CASK: variants seen among roughly 807,000 people sequenced by gnomAD.
The protein encoded by CASK is peripheral plasma membrane protein CASK.
In CASK, 4 loss-of-function variants were observed where a neutral mutation model predicts 82.9. That is an observed-to-expected ratio of 0.05 (90% CI 0.02 to 0.11). The LOEUF (loss-of-function observed/expected upper bound fraction) is 0.11, where lower values mean the gene tolerates loss of function less well. Ranked by LOEUF, CASK falls within the 10% of genes least tolerant of loss-of-function variation. The pLI is 1.00. For synonymous variants in CASK, 259 were observed against 253.5 expected, an observed-to-expected ratio of 1.02 and a Z score of -0.20; for missense variants, 358 against 720.9, an observed-to-expected ratio of 0.50 and a Z score of 5.76.
intron 2 of CASK, among the ~76,000 whole-genome samples, chrX:41,846,254 G>A (rs2071152629): frequency 9.0e-6 from 1 of 111,644 alleles, no homozygotes; most frequent in South Asian, 3.8e-4. Context: ...AAGGAAGAAT[G>A]AGATCCTGTC....
chrX:41,613,503 G>A (rs1346870095), intron 11 of CASK, among the ~76,000 whole-genome samples: 11 of 93,843 alleles, frequency 1.2e-4, no homozygotes, highest in Non-Finnish European at 2.1e-4. Context: ...GCGGAAGGCC[G>A]CAGGGTCCTC....
chrX:41,713,357 C>A (rs1029890484), intron 5 of CASK, among the ~76,000 whole-genome samples: 34 of 112,232 alleles, frequency 3.0e-4, no homozygotes, highest in African/African-American at 9.7e-4. Context: ...TTTCCAGACA[C>A]ACAGGAGGTT....
At chrX:41,844,087 G>T in intron 2 of CASK, among the ~76,000 whole-genome samples, 1 of 111,468 alleles carries the variant, frequency 9.0e-6, no homozygotes, top group Non-Finnish European at 1.9e-5. Context: ...TTAACTTTCT[G>T]AAGAACTACA....
intron 1 of CASK, among the ~76,000 whole-genome samples, chrX:41,877,117 A>C (rs1432330343): frequency 8.9e-6 from 1 of 111,844 alleles, no homozygotes; most frequent in Non-Finnish European, 1.9e-5. Flanking sequence ...TTCTGACTTC[A>C]GGAAAAACCA....
chrX:41,736,413 T>C (rs2068498937), intron 5 of CASK, among the ~76,000 whole-genome samples: 1 of 111,718 alleles, frequency 9.0e-6, no homozygotes, highest in African/African-American at 3.3e-5. Context: ...GGCATGAGGA[T>C]TGCTTGAGCC....
intron 8 of CASK, among the ~76,000 whole-genome samples, chrX:41,644,069 A>G (rs2147397883): frequency 8.9e-6 from 1 of 111,901 alleles, no homozygotes; most frequent in South Asian, 3.7e-4. Context: ...TATATGATGG[A>G]TTATGTTTAT....
chrX:41,554,294 G>A (rs2065135222), intron 20 of CASK, among the ~76,000 whole-genome samples: 1 of 111,469 alleles, frequency 9.0e-6, no homozygotes, highest in Non-Finnish European at 1.9e-5. Flanking sequence ...ATGACTGCGT[G>A]GCAGCCTTTA....
chrX:41,708,036 T>C (rs1471111481), intron 5 of CASK, among the ~76,000 whole-genome samples: 1 of 106,489 alleles, frequency 9.4e-6, no homozygotes, highest in Non-Finnish European at 1.9e-5. Flanking sequence ...GATAATCTCT[T>C]GAACCAGGGA....
At chrX:41,561,432 C>G in intron 17 of CASK, 127 bp downstream of exon 17, 1 of 519,017 alleles carries the variant, frequency 1.9e-6, no homozygotes. Flanking sequence ...TATATAAGTT[C>G]AAGTCCACAT....
intron 8 of CASK, among the ~76,000 whole-genome samples, chrX:41,643,718 A>C (rs1402291546): frequency 8.9e-6 from 1 of 111,969 alleles, no homozygotes; most frequent in Non-Finnish European, 1.9e-5. Flanking sequence ...GTCATCTGCA[A>C]ACAGGGACAA....
intron 8 of CASK, among the ~76,000 whole-genome samples, chrX:41,659,479 G>A (rs1191348291): frequency 9.1e-6 from 1 of 110,219 alleles, no homozygotes. Flanking sequence ...ACCCACCTTG[G>A]CCTCCCAAAG....
At chrX:41,912,307 T>G (rs1431324024) in intron 1 of CASK, among the ~76,000 whole-genome samples, 71 of 94,844 alleles carry the variant, frequency 7.5e-4, no homozygotes, top group Non-Finnish European at 1.2e-3. Flanking sequence ...TCTGTTTTTT[T>G]TTTTTTTTTT....
intron 3 of CASK, among the ~76,000 whole-genome samples, chrX:41,776,379 T>TGA (rs1349853450): frequency 4.4e-5 from 5 of 112,852 alleles, no homozygotes; most frequent in African/African-American, 1.6e-4. Flanking sequence ...AAAAGACATT[T>TGA]GATAAAATTC....
intron 5 of CASK, among the ~76,000 whole-genome samples, chrX:41,732,007 C>T (rs1282498090): frequency 9.5e-6 from 1 of 104,988 alleles, no homozygotes; most frequent in Non-Finnish European, 1.9e-5. Context: ...AACTCCTGGG[C>T]TCAAGCGATC....
chrX:41,542,512 C>T (rs1727196017), intron 22 of CASK, among the ~76,000 whole-genome samples, 179 bp downstream of exon 22: 1 of 112,660 alleles, frequency 8.9e-6, no homozygotes, highest in African/African-American at 3.2e-5. Context: ...AAATATCTAG[C>T]AAATAATCAA....
chrX:41,610,070 A>G (rs1463086247), intron 11 of CASK, 45 bp from the exon 12 acceptor site: 6 of 1,173,885 alleles, frequency 5.1e-6, no homozygotes, highest in Non-Finnish European at 6.9e-6. Context: ...TAGAAAGTCA[A>G]TGTCAAACTA....
At chrX:41,781,000 G>T (rs768766605) in intron 3 of CASK, among the ~76,000 whole-genome samples, 1 of 110,329 alleles carries the variant, frequency 9.1e-6, no homozygotes, top group South Asian at 3.9e-4. Context: ...GAGTACAGTG[G>T]CATGATCTTG....
intron 1 of CASK, among the ~76,000 whole-genome samples, chrX:41,873,112 G>A (rs750953627): frequency 1.8e-5 from 2 of 110,363 alleles, no homozygotes; most frequent in Non-Finnish European, 3.8e-5. Flanking sequence ...TTCAGAAGGG[G>A]TTTTTATCAA....
chrX:41,811,502 G>A (rs1412216626), intron 2 of CASK, among the ~76,000 whole-genome samples: 3 of 111,952 alleles, frequency 2.7e-5, no homozygotes, highest in Non-Finnish European at 5.6e-5. Flanking sequence ...GGTACATAAC[G>A]AAATGAAGGC....
Sources: gnomAD v4.1 joint callset for allele counts (sites outside exome capture counted in the v4.1 genomes callset) on GRCh38, gnomAD v4.1.1 for gene constraint, MANE v1.5 for transcripts, NCBI Gene and HGNC (gene_info 2026-07-23, HGNC 2026-07-21) for gene names.